The following CCDC170 variants were observed in gnomAD, a reference collection of about 807,000 sequenced individuals.
CCDC170 encodes the protein coiled-coil domain containing 170.
CCDC170 carries 69 observed loss-of-function variants against 72.6 expected under a neutral mutation model. That is an observed-to-expected ratio of 0.95 (90% CI 0.78 to 1.16). The LOEUF is 1.16. Ranked by LOEUF, CCDC170 falls within the 50% of genes most tolerant of loss-of-function variation. The probability of loss-of-function intolerance (pLI) is 0.00; values close to 1 mark genes in which losing one functional copy is unlikely to be tolerated. For missense variants in CCDC170, 852 were observed against 832.5 expected (o/e 1.02, Z -0.29); for synonymous variants, 300 against 303.9 (o/e 0.99, Z 0.13).
intron 1 of CCDC170, among the ~76,000 whole-genome samples, chr6:151,495,221 GA>G (rs1781891944): frequency 6.6e-6 from 1 of 152,060 alleles, no homozygotes; most frequent in African/African-American, 2.4e-5. Flanking sequence ...AATATTTGTG[GA>G]AAATAAGTAC....
At chr6:151,498,035 C>T (rs1209771989) in intron 1 of CCDC170, among the ~76,000 whole-genome samples, 1 of 150,532 alleles carries the variant, frequency 6.6e-6, no homozygotes, top group Non-Finnish European at 1.5e-5. Context: ...AGCAATAGTT[C>T]TGTGGAAAGT....
At chr6:151,495,196 T>G (rs1781891725) in intron 1 of CCDC170, among the ~76,000 whole-genome samples, 1 of 152,242 alleles carries the variant, frequency 6.6e-6, no homozygotes, top group South Asian at 2.1e-4. Flanking sequence ...GTATTTAGAT[T>G]TCTCTGATTC....
At chr6:151,607,682 G>A (rs1197346791) in intron 9 of CCDC170, among the ~76,000 whole-genome samples, 1 of 151,794 alleles carries the variant, frequency 6.6e-6, no homozygotes, top group African/African-American at 2.4e-5. Flanking sequence ...TAACCTGTAA[G>A]GTTTCTCTTG....
chr6:151,609,709 C>T (rs1488224335), intron 9 of CCDC170, among the ~76,000 whole-genome samples: 1 of 152,140 alleles, frequency 6.6e-6, no homozygotes, highest in African/African-American at 2.4e-5. Flanking sequence ...ATTAAGAAAC[C>T]GACTTAGTCC....
chr6:151,516,283 A>G (rs1023859494), intron 1 of CCDC170, among the ~76,000 whole-genome samples: 1 of 152,118 alleles, frequency 6.6e-6, no homozygotes, highest in African/African-American at 2.4e-5. Context: ...ATAATGAAGT[A>G]TGTTGGGCCT....
chr6:151,526,183 C>T (rs779348068), intron 1 of CCDC170, among the ~76,000 whole-genome samples: 3 of 148,792 alleles, frequency 2.0e-5, no homozygotes, highest in Non-Finnish European at 4.5e-5. Context: ...CTCTCTCTCT[C>T]CTCTCTCTCT....
chr6:151,572,995 T>C (rs973443384), intron 5 of CCDC170, among the ~76,000 whole-genome samples, 179 bp from the exon 6 acceptor site: 4 of 152,018 alleles, frequency 2.6e-5, no homozygotes, highest in Non-Finnish European at 4.4e-5. Flanking sequence ...TGACATACCA[T>C]TGGGATTTAA....
At chr6:151,601,908 C>T (rs1211168604) in intron 9 of CCDC170, among the ~76,000 whole-genome samples, 1 of 152,174 alleles carries the variant, frequency 6.6e-6, no homozygotes, top group Non-Finnish European at 1.5e-5. Context: ...TAAAATTAAC[C>T]ATCATAATTC....
intron 5 of CCDC170, among the ~76,000 whole-genome samples, chr6:151,551,033 T>C (rs1782869445): frequency 6.6e-6 from 1 of 152,200 alleles, no homozygotes; most frequent in Non-Finnish European, 1.5e-5. Context: ...ATCAACCTAA[T>C]AACTTACCAT....
rs1215027625 is a variant in CCDC170 at position 151,548,504 on chromosome 6, G to C, written c.774+15G>C. 1 of 1,519,850 alleles carries C rather than the reference G, an allele frequency of 6.6e-7. No homozygotes were observed. The highest frequency in any genetic ancestry group is 8.8e-7 in the Non-Finnish European group (1 of 1,130,370). 94.1% of individuals were successfully genotyped at this position (1,519,850 alleles called of 1,614,324 possible). On this transcript the variant is annotated intron_variant, in intron 5 of 10. Transcript: ENST00000239374. ...AGCTGAACCAGGTATGATATGTGAA[G>C]TATACGTGTGCATCTGGGACCATGT...
chr6:151,534,068 CTT>C (rs11359591), intron 1 of CCDC170, among the ~76,000 whole-genome samples: 195 of 141,400 alleles, frequency 1.4e-3, no homozygotes, highest in Middle Eastern at 3.6e-3. Context: ...TCATTCATTC[CTT>C]TTTTTTTTTT....
intron 1 of CCDC170, among the ~76,000 whole-genome samples, chr6:151,517,228 A>G (rs970620159): frequency 5.3e-5 from 8 of 152,068 alleles, no homozygotes; most frequent in African/African-American, 1.7e-4. Context: ...TCTACTCGGG[A>G]GGCTGAGGCA....
Position 151,618,328 on chromosome 6 carries a change from T to C in CCDC170, c.*181T>C, listed in dbSNP as rs982645788. On this transcript the variant is annotated 3_prime_UTR_variant, in exon 11 of 11. Coordinates refer to ENST00000239374, the MANE Select transcript of CCDC170 (RefSeq NM_025059.4). The stretch of plus-strand genomic sequence containing the variant: ...GTCAGCCTTAGATAAACGTTCAGCA[T>C]TAAAAACGCCTATTATTTCATTTAC... 2.8e-5 allele frequency: 16 copies of C among 569,592 alleles called. No individual in the cohort carries two copies. The highest frequency in any genetic ancestry group is 2.2e-4 in the African/African-American group (12 of 53,420). 35.3% of individuals were successfully genotyped at this position (569,592 alleles called of 1,614,324 possible).
chr6:151,607,422 A>G (rs796878170), intron 9 of CCDC170, among the ~76,000 whole-genome samples: 11 of 152,100 alleles, frequency 7.2e-5, no homozygotes, highest in African/African-American at 2.7e-4. Context: ...TAGTGATAAC[A>G]TTTGATTCCT....
intron 5 of CCDC170, among the ~76,000 whole-genome samples, chr6:151,551,357 G>A (rs1186441113): frequency 2.0e-5 from 3 of 152,138 alleles, no homozygotes; most frequent in African/African-American, 7.2e-5. Context: ...GCATCTGAAA[G>A]TTAACTATAA....
intron 6 of CCDC170, among the ~76,000 whole-genome samples, chr6:151,578,540 C>T (rs1199632548): frequency 2.6e-5 from 4 of 152,158 alleles, no homozygotes; most frequent in South Asian, 2.1e-4. Context: ...TTAGGGACCT[C>T]GTTTTCACTT....
chr6:151,534,441 A>G (rs1299852188), intron 1 of CCDC170, among the ~76,000 whole-genome samples: 2 of 152,236 alleles, frequency 1.3e-5, no homozygotes, highest in African/African-American at 2.4e-5. Flanking sequence ...TTATTTTCCT[A>G]ATAAATTTTA....
chr6:151,604,173 T>C (rs530545247), intron 9 of CCDC170, among the ~76,000 whole-genome samples: 2 of 152,282 alleles, frequency 1.3e-5, no homozygotes, highest in Admixed American at 6.5e-5. Context: ...TCTAACTCTC[T>C]TTATATCTCC....
intron 1 of CCDC170, among the ~76,000 whole-genome samples, chr6:151,495,436 C>A (rs1175169569): frequency 6.6e-6 from 1 of 151,916 alleles, no homozygotes. Context: ...TAAATTACAG[C>A]CATCATGATT....
Sources: gnomAD v4.1 joint callset for allele counts (sites outside exome capture counted in the v4.1 genomes callset) on GRCh38, gnomAD v4.1.1 for gene constraint, MANE v1.5 for transcripts, NCBI Gene and HGNC (gene_info 2026-07-23, HGNC 2026-07-21) for gene names.